The following CRLF1 variants were observed in gnomAD, a reference collection of about 807,000 sequenced individuals.
The protein encoded by CRLF1 is cytokine receptor like factor 1, also known as cytokine receptor-like factor 1.
A neutral mutation model predicts 48.9 loss-of-function variants in CRLF1; 36 were observed. That is an observed-to-expected ratio of 0.74 (90% CI 0.56 to 0.97). The LOEUF (loss-of-function observed/expected upper bound fraction) is 0.97, where lower values mean the gene tolerates loss of function less well. CRLF1 is among the 50% of genes least tolerant of loss of function. The probability of loss-of-function intolerance (pLI) is 0.00; values close to 1 mark genes in which losing one functional copy is unlikely to be tolerated. For synonymous variants in CRLF1, 256 were observed against 253.4 expected, an observed-to-expected ratio of 1.01 and a Z score of -0.10; for missense variants, 534 against 575.1, an observed-to-expected ratio of 0.93 and a Z score of 0.73.
chr19:18,593,995 C>T (rs965981827), intron 8 of CRLF1, 70 bp downstream of exon 8: 25 of 1,534,412 alleles, frequency 1.6e-5, no homozygotes, highest in Non-Finnish European at 2.2e-5. Context: ...GGGGTGTGAA[C>T]AAGACCTGCA....
chr19:18,594,506 C>T (rs2145326971), intron 6 of CRLF1, 72 bp from the exon 7 acceptor site: 3 of 1,178,184 alleles, frequency 2.5e-6, no homozygotes, highest in South Asian at 6.2e-5. Context: ...GAGGGGAGAC[C>T]CCGGCGCGGC....
chr19:18,604,116 G>A (rs540100053), intron 1 of CRLF1, among the ~76,000 whole-genome samples: 1 of 152,286 alleles, frequency 6.6e-6, no homozygotes, highest in African/African-American at 2.4e-5. Context: ...CACTCCTCCT[G>A]CCCCCACCAC....
At chr19:18,602,170 C>T (rs1030913548) in intron 1 of CRLF1, among the ~76,000 whole-genome samples, 1 of 152,214 alleles carries the variant, frequency 6.6e-6, no homozygotes, top group Admixed American at 6.5e-5. Context: ...GCCATCAGGG[C>T]AGCCCAGGAG....
chr19:18,596,913 C>T lies in CRLF1; in HGVS notation c.834G>A (p.Val278=), dbSNP rs758261006. 5.0e-6 allele frequency: 8 copies of T among 1,614,032 alleles called. No individual in the cohort carries two copies. The East Asian group carries it at 1.6e-4, about 31-fold the overall frequency. ...TCACCTTCCAGTCCACACTGTCCTC[C>T]ACTCGGTAGCGGATCTGGTATTTGG... ...FQAKYQIRYR[V]EDSVDWKVVD... The change falls in exon 5 of 9, where the codon GTG becomes GTA. Residue 278 remains valine (V), a synonymous_variant. Coordinates refer to ENST00000392386, the MANE Select transcript of CRLF1 (RefSeq NM_004750.5).
Position 18,596,983 on chromosome 19 carries a change from A to G in CRLF1, c.764T>C (p.Val255Ala). The G allele has an allele frequency of 1.2e-6, 2 of 1,613,802 alleles. No individual in the cohort carries two copies. ...RVGGLEDQLS[V>A]RWVSPPALKD... is the part of the protein sequence containing the mutation. ...GAGGGCGGGTGGCGACACCCAGCGC[A>G]CGCTCAGCTGGTCCTCCAGGCCCCC... Residue 255 changes from valine to alanine, a missense_variant, in exon 5 of 9, where the codon GTG (valine) becomes GCG (alanine). This residue lies in a region of CRLF1 where 528 missense variants were observed against 555.7 expected (regional missense o/e 0.95). Transcript: ENST00000392386.
At position 18,594,298 on chromosome 19, in the gene CRLF1, G is replaced by C. The variant is rs751808856; in HGVS notation, c.1161C>G (p.Leu387=). The change falls in exon 7 of 9, where the codon CTC becomes CTG. Residue 387 remains leucine, a synonymous_variant. Transcript: ENST00000392386. ...GCATCCAGGCTCGCCACTGGTCGTA[G>C]AGGCGGAAGCTGAGGTTGGAGCAGT... The part of the protein sequence containing the change: ...HAYCSNLSFR[L]YDQWRAWMQK... The C allele has an allele frequency of 1.4e-5, 22 of 1,612,554 alleles. No homozygotes were observed. The highest frequency in any genetic ancestry group is 1.7e-6 in the Non-Finnish European group (2 of 1,179,892).
chr19:18,599,128 C>A, intron 2 of CRLF1: 1 of 985,118 alleles, frequency 1.0e-6, no homozygotes, highest in African/African-American at 1.7e-5. Context: ...TTTTTCGAGG[C>A]AAAGTCTCGC....
chr19:18,603,564 A>C (rs1427097537), intron 1 of CRLF1, among the ~76,000 whole-genome samples: 1 of 152,182 alleles, frequency 6.6e-6, no homozygotes, highest in African/African-American at 2.4e-5. Context: ...GGCGGCTGGA[A>C]GAAGGGACTG....
chr19:18,594,035 C>CCCCCCCCCCCCCCCT, intron 8 of CRLF1, 30 bp downstream of exon 8: 1 of 555,802 alleles, frequency 1.8e-6, no homozygotes, highest in Admixed American at 2.4e-5. Context: ...CCCTTGCTCC[C>CCCCCCCCCCCCCCCT]TCCCGCCCAC....
chr19:18,606,598 A>G lies in CRLF1; in HGVS notation c.59T>C (p.Leu20Pro). ...GACGCAGAGCAGCAGCAGCAGGGGC[A>G]GCAACGGCGGCGGCCGCCGCGCGGA... ...AQSARRPPPL[L>P]PLLLLLCVLG... The change falls in exon 1 of 9, where the codon CTG (leucine) becomes CCG (proline). Residue 20 changes from leucine (L) to proline (P), a missense_variant. Transcript: ENST00000392386. The surrounding 1 kb of genome is among the most constrained non-coding windows in gnomAD (Gnocchi z 4.8). The G allele has an allele frequency of 1.8e-6, 2 of 1,121,148 alleles. No individual in the cohort carries two copies. The highest frequency in any genetic ancestry group is 4.5e-5 in the East Asian group (1 of 22,082). 69.4% of individuals were successfully genotyped at this position (1,121,148 alleles called of 1,614,324 possible). A position where few individuals can be genotyped will look rare whatever the true frequency, so the allele number is the denominator to read the frequency against.
chr19:18,596,609 G>C lies in CRLF1; in HGVS notation c.1024+13C>G. On this transcript the variant is annotated intron_variant, in intron 6 of 8. Transcript: ENST00000392386. Reference sequence around the variant, plus strand: ...CTGGCCGCTGGATCACCCAGCCCTAGGAGGGTGCTCACCACTGCGGGGAGT... The same window carrying C: ...CTGGCCGCTGGATCACCCAGCCCTACGAGGGTGCTCACCACTGCGGGGAGT... The C allele has an allele frequency of 6.2e-7, 1 of 1,613,738 alleles. No individual in the cohort carries two copies. The highest frequency in any genetic ancestry group is 1.3e-5 in the African/African-American group (1 of 75,066).
intron 6 of CRLF1, among the ~76,000 whole-genome samples, chr19:18,596,329 A>G (rs1294459348): frequency 6.6e-6 from 1 of 152,174 alleles, no homozygotes; most frequent in Non-Finnish European, 1.5e-5. Flanking sequence ...ACCCGAGGTC[A>G]GGAGTTCGAG....
chr19:18,600,373 A>AT (rs35218652), intron 1 of CRLF1, among the ~76,000 whole-genome samples: 32,440 of 107,488 alleles, frequency 0.3, 5,435 homozygotes, highest in Non-Finnish European at 0.39. Flanking sequence ...TAACTTTTGT[A>AT]TTTTTTTTTT....
Position 18,594,062 on chromosome 19 carries a change from T to TA in CRLF1, c.1255+2dup. The TA allele has an allele frequency of 1.7e-6, 1 of 604,468 alleles. No individual in the cohort carries two copies. The highest frequency in any genetic ancestry group is 2.7e-6 in the Non-Finnish European group (1 of 376,920). The allele number at this position is 604,468 out of a possible 1,614,324, so 37.4% of individuals were successfully genotyped here. On this transcript the variant is annotated splice_region_variant and intron_variant, in intron 8 of 8. Coordinates refer to ENST00000392386, the MANE Select transcript of CRLF1 (RefSeq NM_004750.5). ...CCCGCCCACCCATTCAGGCCCACCT[T>TA]ACCTCTCGCCGTGCCCCGTCTGCCC...
At chr19:18,603,425 C>T (rs965352675) in intron 1 of CRLF1, among the ~76,000 whole-genome samples, 1 of 152,126 alleles carries the variant, frequency 6.6e-6, no homozygotes, top group Non-Finnish European at 1.5e-5. Flanking sequence ...GTGCCAAGGT[C>T]CTGGGGCAGA....
At chr19:18,604,160 T>C (rs1976257725) in intron 1 of CRLF1, among the ~76,000 whole-genome samples, 2 of 151,960 alleles carry the variant, frequency 1.3e-5, no homozygotes, top group Non-Finnish European at 1.5e-5. Flanking sequence ...AGGGGCTCTC[T>C]GGGGGGTCCT....
chr19:18,596,786 A>G lies in CRLF1; in HGVS notation c.860T>C (p.Val287Ala), dbSNP rs1238787697. The part of the protein sequence containing the change: ...RVEDSVDWKV[V>A]DDVSNQTSCR... ...GGAGGTCTGGTTGCTCACATCGTCC[A>G]CCACCTGGACAGTGAGGACAAGGTC... Residue 287 changes from valine (V) to alanine (A), a missense_variant, in exon 6 of 9, where the codon GTG becomes GCG. This residue lies in a region of CRLF1 where 528 missense variants were observed against 555.7 expected (regional missense o/e 0.95). Coordinates refer to ENST00000392386, the MANE Select transcript of CRLF1 (RefSeq NM_004750.5). The G allele has an allele frequency of 1.2e-6, 2 of 1,613,198 alleles. No individual in the cohort carries two copies. Among genetic ancestry groups the G allele is most frequent in the African/African-American group, 2.7e-5 (2 of 74,582 alleles).
chr19:18,604,423 G>A (rs948339881), intron 1 of CRLF1, among the ~76,000 whole-genome samples: 4 of 152,228 alleles, frequency 2.6e-5, no homozygotes, highest in Admixed American at 2.0e-4. Context: ...CTGGCCAATT[G>A]ACTTCCCCTC....
chr19:18,600,503 G>T (rs977669834), intron 1 of CRLF1, among the ~76,000 whole-genome samples: 1 of 152,176 alleles, frequency 6.6e-6, no homozygotes, highest in Non-Finnish European at 1.5e-5. Flanking sequence ...CAAGTAGCTA[G>T]GACTACGCGC....
Sources: gnomAD v4.1 joint callset for allele counts (sites outside exome capture counted in the v4.1 genomes callset) on GRCh38, gnomAD v4.1.1 for gene constraint, gnomAD v4.1.1 regional missense constraint, Gnocchi (gnomAD v3.1) non-coding constraint, MANE v1.5 for transcripts, NCBI Gene and HGNC (gene_info 2026-07-23, HGNC 2026-07-21) for gene names.